MYH2: variants seen among roughly 807,000 people sequenced by gnomAD.
MYH2 encodes myosin heavy chain 2, also known as myosin-2.
A neutral mutation model predicts 228.1 loss-of-function variants in MYH2; 139 were observed. That is an observed-to-expected ratio of 0.61 (90% confidence interval 0.53 to 0.70). The LOEUF is 0.70. MYH2 is among the 30% of genes least tolerant of loss of function. MYH2 has a pLI of 0.00. For synonymous variants in MYH2, 796 were observed against 871.1 expected, an observed-to-expected ratio of 0.91 and a Z score of 1.52; for missense variants, 1,809 against 2,357.5, an observed-to-expected ratio of 0.77 and a Z score of 4.82.
Position 10,540,201 on chromosome 17 carries a change from T to TAGAG in MYH2, c.1009-139_1009-136dup. On this transcript the variant is annotated intron_variant, in intron 11 of 39. Transcript: ENST00000245503. ...CAAGGAACCCCTTAGATTGGGTATA[T>TAGAG]AGAGAGTTGGTCAACCAAAGGCCAG... The TAGAG allele has an allele frequency of 4.0e-6, 5 of 1,254,800 alleles. No individual in the cohort carries two copies. In the South Asian group the frequency reaches 6.1e-5, roughly 15 times the overall value. 77.7% of individuals were successfully genotyped at this position (1,254,800 alleles called of 1,614,324 possible). A position where few individuals can be genotyped will look rare whatever the true frequency, so the allele number is the denominator to read the frequency against.
At chr17:10,523,971 A>ATTTTTTTTTTTT in intron 35 of MYH2, 87 bp from the exon 36 acceptor site, 2 of 1,409,414 alleles carry the variant, frequency 1.4e-6, no homozygotes, top group Non-Finnish European at 1.9e-6. Context: ...TCAGATAAAA[A>ATTTTTTTTTTTT]TTTGCAAGTC....
At chr17:10,526,156 G>GTATT (rs1392790317) in intron 30 of MYH2, among the ~76,000 whole-genome samples, 7 of 152,170 alleles carry the variant, frequency 4.6e-5, no homozygotes, top group South Asian at 2.1e-4. Context: ...ACAGATACAA[G>GTATT]TGCAATGAAG....
At position 10,529,905 on chromosome 17, in the gene MYH2, AG is replaced by A. The variant is rs1271662164; in HGVS notation, c.2866del (p.Leu956SerfsTer10). ...CTCAAGGTCATCAATGTCTTTCTTG[AG>A]TTCTGAACATTCATCCTCCAGTTTC... ...KRKLEDECSE[L>X]KKDIDDLELT... On this transcript the variant is annotated frameshift_variant, in exon 23 of 40. Transcript: ENST00000245503. LOFTEE classifies it high-confidence loss of function. 1 of 1,612,660 alleles carries A rather than the reference AG, an allele frequency of 6.2e-7. No homozygotes were observed. Among genetic ancestry groups the A allele is most frequent in the Non-Finnish European group, 8.5e-7 (1 of 1,178,974 alleles).
intron 22 of MYH2, among the ~76,000 whole-genome samples, chr17:10,530,365 A>G (rs1347943215): frequency 1.3e-5 from 2 of 152,228 alleles, no homozygotes; most frequent in Non-Finnish European, 2.9e-5. Flanking sequence ...GACATAACAG[A>G]TCAGAGAAGT....
chr17:10,548,049 G>A, intron 2 of MYH2, 109 bp from the exon 3 acceptor site: 2 of 939,270 alleles, frequency 2.1e-6, no homozygotes. Flanking sequence ...CACTAGACAG[G>A]TCTACTGTTC....
At chr17:10,548,572 C>T (rs893652595) in intron 2 of MYH2, among the ~76,000 whole-genome samples, 2 of 152,036 alleles carry the variant, frequency 1.3e-5, no homozygotes, top group Non-Finnish European at 2.9e-5. Flanking sequence ...AGGTTAGGTG[C>T]TTAGTATAGT....
rs1055557040 is a variant in MYH2, at chr17:10,545,796, T to C, written c.349-294A>G. ...TTGCCCAGGCTGGTCTGGAAATTAATTGAATTTTAACAAAAAGGAGCACTT... is the reference window on the plus strand; with the variant it reads ...TTGCCCAGGCTGGTCTGGAAATTAACTGAATTTTAACAAAAAGGAGCACTT... On this transcript the variant is annotated intron_variant, in intron 4 of 39. Transcript: ENST00000245503. Among the ~76,000 whole-genome samples the C allele has an allele frequency of 4.6e-5, 7 of 152,256 alleles. No individual in the cohort carries two copies. In the East Asian group the frequency reaches 1.2e-3, roughly 25 times the overall value.
intron 19 of MYH2, 73 bp from the exon 20 acceptor site, chr17:10,533,705 C>G: frequency 3.2e-6 from 5 of 1,544,394 alleles, no homozygotes; most frequent in Non-Finnish European, 4.5e-6. Flanking sequence ...TTAAATGATT[C>G]ATTTTTTAAA....
Position 10,533,290 on chromosome 17 carries a change from C to G in MYH2, c.2436G>C (p.Glu812Asp), listed in dbSNP as rs1163720075. ...AATAAACATATTTTTTATACCTTCT[C>G]TCCACCATCCTCTGGTACTCCACTC... is the stretch of plus-strand genomic sequence containing the variant. Reference protein sequence around the residue: ...LARVEYQRMVERREAIFCIQY... With the variant: ...LARVEYQRMVDRREAIFCIQY... Residue 812 changes from glutamate to aspartate, a missense_variant, in exon 21 of 40, where the codon GAG (glutamate) becomes GAC (aspartate). Physicochemically the swap from Glu to Asp is conservative, Grantham distance 45. Transcript: ENST00000245503. 1 of 1,614,050 alleles carries G rather than the reference C, an allele frequency of 6.2e-7. No homozygotes were observed. The highest frequency in any genetic ancestry group is 1.3e-5 in the African/African-American group (1 of 74,926).
chr17:10,527,001 T>C lies in MYH2; in HGVS notation c.3927A>G (p.Arg1309=). The C allele has an allele frequency of 6.2e-7, 1 of 1,614,228 alleles. No individual in the cohort carries two copies. The highest frequency in any genetic ancestry group is 8.5e-7 in the Non-Finnish European group (1 of 1,180,044). Residue 1309 remains arginine (R), a synonymous_variant, in exon 29 of 40, where the codon AGA becomes AGG. Transcript: ENST00000245503. ...EKEALVSQLS[R]GKQAFTQQIE... The stretch of plus-strand genomic sequence containing the variant: ...TCTGTTGAGTAAAGGCTTGTTTGCC[T>C]CTTGATAACTGAGACACCAGAGCTT...
At chr17:10,540,730 A>G in intron 10 of MYH2, 33 bp from the exon 11 acceptor site, 2 of 1,491,296 alleles carry the variant, frequency 1.3e-6, no homozygotes, top group Non-Finnish European at 1.9e-6. Flanking sequence ...AGATAAACAT[A>G]ATTATCTTCT....
chr17:10,545,014 A>AGTGTGTGTGT (rs112057904), intron 5 of MYH2, among the ~76,000 whole-genome samples: 12,683 of 150,400 alleles, frequency 0.084, 813 homozygotes, highest in East Asian at 0.33. Context: ...TGCGTGCATG[A>AGTGTGTGTGT]GTGTGTGTGT....
chr17:10,542,821 G>A, intron 10 of MYH2, 54 bp downstream of exon 10: 1 of 1,205,388 alleles, frequency 8.3e-7, no homozygotes, highest in Non-Finnish European at 1.2e-6. Flanking sequence ...GTTGGACTGT[G>A]CATTGATAGG....
chr17:10,527,088 A>G (rs1323129240), intron 28 of MYH2, 32 bp from the exon 29 acceptor site: 1 of 1,591,448 alleles, frequency 6.3e-7, no homozygotes. Context: ...ACCATTTTTT[A>G]GGTGAAAAAC....
chr17:10,543,602 A>C, intron 8 of MYH2, 109 bp downstream of exon 8: 1 of 1,483,236 alleles, frequency 6.7e-7, no homozygotes, highest in Non-Finnish European at 9.4e-7. Flanking sequence ...AAAGGAAAGA[A>C]CAATGATGTA....
chr17:10,536,634 T>C, intron 16 of MYH2, 28 bp from the exon 17 acceptor site: 1 of 1,596,206 alleles, frequency 6.3e-7, no homozygotes, highest in Non-Finnish European at 8.6e-7. Context: ...AAAGAAATAC[T>C]GTTTTGAATT....
intron 22 of MYH2, 62 bp from the exon 23 acceptor site, chr17:10,530,136 A>G (rs568755385): frequency 6.2e-7 from 1 of 1,611,642 alleles, no homozygotes; most frequent in African/African-American, 1.3e-5. Flanking sequence ...AATGGATAAG[A>G]GTGTATGTTT....
Position 10,543,943 on chromosome 17 carries a change from C to T in MYH2, c.607G>A (p.Gly203Ser), listed in dbSNP as rs2073592743. The T allele has an allele frequency of 1.2e-6, 2 of 1,614,102 alleles. No individual in the cohort carries two copies. The highest frequency in any genetic ancestry group is 1.7e-6 in the Non-Finnish European group (2 of 1,180,046). Residue 203 changes from glycine to serine, a missense_variant, in exon 7 of 40, where the codon GGT (glycine) becomes AGT (serine). Coordinates refer to ENST00000245503, the MANE Select transcript of MYH2 (RefSeq NM_017534.6). ...GTAATTTCTTCCTTCTTCTTCTCAC[C>T]AGTAACTGCAATTGTTGCAAAGTAC... ...IQYFATIAVT[G>S]EKKKEEITSG... is the part of the protein sequence containing the mutation.
At position 10,537,206 on chromosome 17, in the gene MYH2, A is replaced by G; in HGVS notation, c.1897+27T>C. ...TAACATCACATTTTGTAATACCTAG[A>G]GAGTATTATTAACATTTGAGCATTA... On this transcript the variant is annotated intron_variant, in intron 16 of 39. Transcript: ENST00000245503. The surrounding 1 kb of genome is among the most constrained non-coding windows in gnomAD (Gnocchi z 4.0). 6.2e-7 allele frequency: 1 copy of G among 1,612,554 alleles called. No individual in the cohort carries two copies. The highest frequency in any genetic ancestry group is 8.5e-7 in the Non-Finnish European group (1 of 1,178,556).
Sources: allele counts gnomAD v4.1 joint callset (sites outside exome capture counted in the v4.1 genomes callset), GRCh38; gene constraint gnomAD v4.1.1; non-coding constraint Gnocchi (gnomAD v3.1); transcripts MANE v1.5; gene names NCBI Gene and HGNC (gene_info 2026-07-23, HGNC 2026-07-21).